TP53BP1: variants seen among roughly 807,000 people sequenced by gnomAD.
TP53BP1 encodes the protein tumor protein p53 binding protein 1, also known as TP53-binding protein 1.
TP53BP1 carries 61 observed loss-of-function variants against 200.8 expected under a neutral mutation model. The ratio of observed to expected loss-of-function variants is 0.30; its 90% CI spans 0.25 to 0.38. The LOEUF (loss-of-function observed/expected upper bound fraction) is 0.38, where lower values mean the gene tolerates loss of function less well. TP53BP1 is among the 10% of genes least tolerant of loss of function. TP53BP1 has a pLI of 1.00. For synonymous variants in TP53BP1, 822 were observed against 844.3 expected (o/e 0.97, Z 0.46); for missense variants, 2,144 against 2,371.9 (o/e 0.90, Z 2.00).
chr15:43,457,652 AC>A, intron 11 of TP53BP1, among the ~76,000 whole-genome samples: 1 of 120,180 alleles, frequency 8.3e-6, no homozygotes, highest in Non-Finnish European at 1.6e-5. Context: ...AGCCTGGGTG[AC>A]GGAGTGAGAC....
intron 10 of TP53BP1, among the ~76,000 whole-genome samples, chr15:43,472,090 G>A (rs538449708): frequency 7.2e-4 from 109 of 152,334 alleles, no homozygotes; most frequent in Middle Eastern, 6.8e-3. Flanking sequence ...ATAATAGGAG[G>A]CATATACATG....
In TP53BP1 at chr15:43,493,075, AG is replaced by A. The variant is rs1251414909; in HGVS notation, c.-33del. ...GGGAGGTCCCTCGCGCTCGAGCTAG[AG>A]GTCTCTGCACGCTCCCCAAGTCCCT... On this transcript the variant is annotated 5_prime_UTR_variant, in exon 1 of 28. Transcript: ENST00000382044. 1.2e-6 allele frequency: 2 copies of A among 1,612,028 alleles called. No homozygotes were observed. The highest frequency in any genetic ancestry group is 2.7e-5 in the African/African-American group (2 of 74,718).
chr15:43,455,218 T>A (rs1320803039), intron 12 of TP53BP1, among the ~76,000 whole-genome samples: 1 of 152,196 alleles, frequency 6.6e-6, no homozygotes, highest in Non-Finnish European at 1.5e-5. Flanking sequence ...CAGTTCTGAA[T>A]GTGATTTTAC....
Position 43,405,328 on chromosome 15 carries a change from A to T in TP53BP1, c.*2055T>A. 8.2e-7 allele frequency: 1 copy of T among 1,219,688 alleles called. No individual in the cohort carries two copies. Among genetic ancestry groups the T allele is most frequent in the South Asian group, 1.3e-5 (1 of 78,004 alleles). The allele number at this position is 1,219,688 out of a possible 1,614,324, so 75.6% of individuals were successfully genotyped here. ...TAAATATCTGCGGCTTAGTGATAGG[A>T]CTCTACCTTTTCTCCTAGAAGCAGT... is the stretch of plus-strand genomic sequence containing the variant. On this transcript the variant is annotated 3_prime_UTR_variant, in exon 28 of 28. Transcript: ENST00000382044.
chr15:43,456,285 C>T lies in TP53BP1; in HGVS notation c.2323G>A (p.Val775Ile), dbSNP rs1339963982. ...ACTCCCTCCAAAGGTTCACAAGAAA[C>T]ATCAACTCTGGGAGATGGCTCTTTC... ...DVKEPSPRVD[V>I]SCEPLEGVEK... Residue 775 changes from valine (V) to isoleucine (I), a missense_variant, in exon 12 of 28, where the codon GTT (valine) becomes ATT (isoleucine). Val to Ile is a conservative substitution (Grantham distance 29). Coordinates refer to ENST00000382044, the MANE Select transcript of TP53BP1 (RefSeq NM_001141980.3). 1 of 1,614,166 alleles carries T rather than the reference C, an allele frequency of 6.2e-7. No homozygotes were observed. The highest frequency in any genetic ancestry group is 1.7e-5 in the Admixed American group (1 of 60,026).
chr15:43,409,265 A>T, intron 25 of TP53BP1, 169 bp from the exon 26 acceptor site: 1 of 636,438 alleles, frequency 1.6e-6, no homozygotes, highest in Non-Finnish European at 2.7e-6. Context: ...AGGCCCAAGT[A>T]ATTTCCATAG....
At chr15:43,442,215 A>G (rs1438356148) in intron 14 of TP53BP1, among the ~76,000 whole-genome samples, 1 of 150,024 alleles carries the variant, frequency 6.7e-6, no homozygotes, top group Admixed American at 6.7e-5. Context: ...CCTCCCCAGC[A>G]GCTGAAACTA....
chr15:43,475,843 C>A, intron 8 of TP53BP1, 149 bp from the exon 9 acceptor site: 5 of 926,508 alleles, frequency 5.4e-6, no homozygotes, highest in Non-Finnish European at 6.4e-6. Flanking sequence ...TATAGTACAA[C>A]GAATGGACTA....
At chr15:43,419,829 T>G (rs1450530468) in intron 21 of TP53BP1, among the ~76,000 whole-genome samples, 1 of 152,078 alleles carries the variant, frequency 6.6e-6, no homozygotes, top group African/African-American at 2.4e-5. Context: ...ACTGAGAAAT[T>G]GCCACAAATC....
chr15:43,417,569 A>G (rs954869763), intron 21 of TP53BP1, among the ~76,000 whole-genome samples: 10 of 152,206 alleles, frequency 6.6e-5, no homozygotes, highest in African/African-American at 1.2e-4. Context: ...CAGCCTCAAG[A>G]AATGGGACAC....
chr15:43,472,308 C>T (rs1022178935), intron 10 of TP53BP1, among the ~76,000 whole-genome samples: 1 of 152,124 alleles, frequency 6.6e-6, no homozygotes, highest in African/African-American at 2.4e-5. Context: ...ATACTAAGTG[C>T]TCAATAAATA....
chr15:43,491,787 C>T, intron 3 of TP53BP1, 34 bp from the exon 4 acceptor site: 1 of 1,536,228 alleles, frequency 6.5e-7, no homozygotes. Context: ...GCATGAAAGA[C>T]ATTTACCAAC....
rs2045695246 is a variant in TP53BP1, at chr15:43,432,500, C to T, written c.3369G>A (p.Glu1123=). The change falls in exon 17 of 28, where the codon GAG becomes GAA. Residue 1123 remains glutamate, a synonymous_variant. Coordinates refer to ENST00000382044, the MANE Select transcript of TP53BP1 (RefSeq NM_001141980.3). ...CTTCTAGCACATCTGTCACCATTGCCTCTCCTTGAGGACTGGATGGCCCTT... is the reference window on the plus strand; with the variant it reads ...CTTCTAGCACATCTGTCACCATTGCTTCTCCTTGAGGACTGGATGGCCCTT... ...VIQGPSSPQG[E]AMVTDVLEDQ... 1 of 1,614,084 alleles carries T rather than the reference C, an allele frequency of 6.2e-7. No homozygotes were observed. The highest frequency in any genetic ancestry group is 1.7e-5 in the Admixed American group (1 of 59,988).
Position 43,432,751 on chromosome 15 carries a change from A to G in TP53BP1, c.3192-74T>C. ...TGTGAACGTGTGTGTGTGCGTGTGC[A>G]TGTGTGTGTGTAGTGGCAAGGGGGG... On this transcript the variant is annotated intron_variant, in intron 16 of 27. Coordinates refer to ENST00000382044, the MANE Select transcript of TP53BP1 (RefSeq NM_001141980.3). 3.4e-6 allele frequency: 5 copies of G among 1,482,594 alleles called. No homozygotes were observed. In the South Asian group the frequency reaches 4.0e-5, roughly 12 times the overall value. 91.8% of individuals were successfully genotyped at this position (1,482,594 alleles called of 1,614,324 possible).
intron 12 of TP53BP1, among the ~76,000 whole-genome samples, chr15:43,448,633 G>A (rs1254309616): frequency 1.3e-5 from 2 of 151,360 alleles, no homozygotes; most frequent in East Asian, 3.9e-4. Context: ...TCCGCCTCCC[G>A]GGTTCATGCC....
chr15:43,478,342 A>G (rs927680558), intron 7 of TP53BP1, among the ~76,000 whole-genome samples: 2 of 152,230 alleles, frequency 1.3e-5, no homozygotes, highest in Non-Finnish European at 2.9e-5. Flanking sequence ...TAAACAGAAT[A>G]GCATAACTAG....
chr15:43,503,150 C>CGT (rs750017981), intron 1 of TP53BP1, among the ~76,000 whole-genome samples: 19 of 152,258 alleles, frequency 1.2e-4, no homozygotes, highest in African/African-American at 3.1e-4. Context: ...TAAATGGGTG[C>CGT]GTGTGTGTGT....
chr15:43,413,609 A>G (rs1381522355), intron 23 of TP53BP1, among the ~76,000 whole-genome samples: 1 of 152,224 alleles, frequency 6.6e-6, no homozygotes, highest in Admixed American at 6.5e-5. Context: ...AAAATTAACC[A>G]AGTATTGTTT....
At chr15:43,504,480 C>T (rs1488860668) in intron 1 of TP53BP1, among the ~76,000 whole-genome samples, 1 of 152,070 alleles carries the variant, frequency 6.6e-6, no homozygotes, top group Non-Finnish European at 1.5e-5. Flanking sequence ...TGCCAAAGTT[C>T]ACATAGTTGG....
Sources: allele counts gnomAD v4.1 joint callset (sites outside exome capture counted in the v4.1 genomes callset), GRCh38; gene constraint gnomAD v4.1.1; transcripts MANE v1.5; gene names NCBI Gene and HGNC (gene_info 2026-07-23, HGNC 2026-07-21).